LARGE1: variants seen among roughly 807,000 people sequenced by gnomAD.
LARGE1 encodes the protein xylosyl- and glucuronyltransferase LARGE1.
LARGE1 carries 43 observed loss-of-function variants against 87.6 expected under a neutral mutation model. The ratio of observed to expected loss-of-function variants is 0.49; its 90% confidence interval spans 0.38 to 0.63. The LOEUF (loss-of-function observed/expected upper bound fraction) is 0.63. LARGE1 is among the 30% of genes least tolerant of loss of function. The pLI, the probability that LARGE1 is intolerant of heterozygous loss-of-function variation, is 0.00. For missense variants in LARGE1, 802 were observed against 1,000.2 expected, an observed-to-expected ratio of 0.80 and a Z score of 2.67; for synonymous variants, 434 against 394.6, an observed-to-expected ratio of 1.10 and a Z score of -1.18.
chr22:33,708,324 G>C (rs2082623289), intron 2 of LARGE1, among the ~76,000 whole-genome samples: 1 of 152,100 alleles, frequency 6.6e-6, no homozygotes, highest in Non-Finnish European at 1.5e-5. Context: ...CTGTCTATGG[G>C]GAAAAGACGC....
intron 7 of LARGE1, among the ~76,000 whole-genome samples, chr22:33,386,318 G>A (rs2065321606): frequency 6.7e-6 from 1 of 148,972 alleles, no homozygotes; most frequent in Admixed American, 6.7e-5. Context: ...GTGATTCCAA[G>A]GCCAGTGCTT....
chr22:33,366,486 G>A (rs777874044), intron 9 of LARGE1, among the ~76,000 whole-genome samples: 9 of 152,136 alleles, frequency 5.9e-5, no homozygotes, highest in Admixed American at 6.5e-5. Context: ...TGAATGACAC[G>A]TGGATTTTTC....
intron 3 of LARGE1, among the ~76,000 whole-genome samples, chr22:33,640,472 A>C (rs1275655441): frequency 3.3e-5 from 5 of 152,252 alleles, no homozygotes; most frequent in African/African-American, 1.2e-4. Context: ...AGTGCAAAAG[A>C]CTAGAAAATA....
Position 33,476,059 on chromosome 22 carries a change from G to T in LARGE1, c.788-43794C>A, listed in dbSNP as rs188561272. ...TTTAAAAAGAAAAAACAAAAGCTACGTATCTTCCTCACAATTTGGCCACAA... is the reference window on the plus strand; with the variant it reads ...TTTAAAAAGAAAAAACAAAAGCTACTTATCTTCCTCACAATTTGGCCACAA... On this transcript the variant is annotated intron_variant, in intron 6 of 14. Coordinates refer to ENST00000397394, the MANE Select transcript of LARGE1 (RefSeq NM_133642.5). Among the ~76,000 whole-genome samples the T allele has an allele frequency of 4.0e-3, 606 of 152,290 alleles. 4 individuals carry two copies. Among genetic ancestry groups the T allele is most frequent in the South Asian group, 0.021 (99 of 4,822 alleles).
intron 6 of LARGE1, among the ~76,000 whole-genome samples, chr22:33,437,584 C>G (rs934153862): frequency 4.6e-5 from 7 of 152,092 alleles, no homozygotes; most frequent in African/African-American, 1.7e-4. Flanking sequence ...TAAGCATTTG[C>G]TCTTATGGAA....
At chr22:33,740,313 T>C (rs898305002) in intron 2 of LARGE1, among the ~76,000 whole-genome samples, 7 of 152,230 alleles carry the variant, frequency 4.6e-5, no homozygotes, top group African/African-American at 1.4e-4. Flanking sequence ...ACTTCTATTA[T>C]AGCAAGTATG....
chr22:33,665,968 T>C lies in LARGE1; in HGVS notation c.107-15300A>G, dbSNP rs2081256584. 2.7e-5 allele frequency among the ~76,000 whole-genome samples: 4 copies of C among 150,386 alleles called. No homozygotes were observed. In the South Asian group the frequency reaches 8.4e-4, roughly 31 times the overall value. On this transcript the variant is annotated intron_variant, in intron 2 of 14. Coordinates refer to ENST00000397394, the MANE Select transcript of LARGE1 (RefSeq NM_133642.5). ...AGTTTAAGTAACTTGCAAGATTTAC[T>C]GCAAAAAGAAGTTAAAAAAAAAAAG...
intron 10 of LARGE1, among the ~76,000 whole-genome samples, chr22:33,335,787 A>C (rs967451151): frequency 6.6e-6 from 1 of 152,124 alleles, no homozygotes; most frequent in Admixed American, 6.5e-5. Flanking sequence ...CTTCTCTGGG[A>C]GGCTCATTCA....
At chr22:33,373,965 T>A (rs534652965) in intron 9 of LARGE1, among the ~76,000 whole-genome samples, 19 of 103,676 alleles carry the variant, frequency 1.8e-4, no homozygotes, top group Admixed American at 1.6e-3. Context: ...AGAGTGAGAC[T>A]CCGTCTCAAA....
intron 11 of LARGE1, among the ~76,000 whole-genome samples, chr22:33,238,811 A>C (rs1377050578): frequency 6.6e-6 from 1 of 152,192 alleles, no homozygotes; most frequent in Non-Finnish European, 1.5e-5. Context: ...ACCCTTTGTG[A>C]CATTACTGAA....
At chr22:33,302,446 G>A (rs569544581) in intron 12 of LARGE1, among the ~76,000 whole-genome samples, 3 of 152,258 alleles carry the variant, frequency 2.0e-5, no homozygotes, top group Non-Finnish European at 4.4e-5. Flanking sequence ...TTAACACTAG[G>A]AAACCCGGAG....
intron 6 of LARGE1, among the ~76,000 whole-genome samples, chr22:33,458,085 A>C (rs1189868101): frequency 6.6e-6 from 1 of 152,090 alleles, no homozygotes; most frequent in Non-Finnish European, 1.5e-5. Flanking sequence ...TTGTTTAATA[A>C]ATTTTAAAAA....
At chr22:33,722,329 G>GA (rs2083131202) in intron 2 of LARGE1, among the ~76,000 whole-genome samples, 2 of 137,812 alleles carry the variant, frequency 1.5e-5, no homozygotes, top group East Asian at 2.2e-4. Flanking sequence ...AGGGAGAGGA[G>GA]GGAGAGGGAG....
intron 6 of LARGE1, among the ~76,000 whole-genome samples, chr22:33,437,624 G>C (rs577828453): frequency 2.2e-4 from 34 of 152,146 alleles, no homozygotes; most frequent in Non-Finnish European, 2.9e-4. Context: ...CCTACACTCT[G>C]CTCCATCTGC....
chr22:33,883,659 GTC>G (rs749375727), intron 1 of LARGE1, among the ~76,000 whole-genome samples: 1 of 152,206 alleles, frequency 6.6e-6, no homozygotes, highest in Non-Finnish European at 1.5e-5. Context: ...CCCCTCTGTG[GTC>G]TCTCTATTAG....
At chr22:33,235,574 T>C (rs1475226119) in intron 11 of LARGE1, among the ~76,000 whole-genome samples, 2 of 152,184 alleles carry the variant, frequency 1.3e-5, no homozygotes, top group African/African-American at 4.8e-5. Flanking sequence ...GGTTCAGGCA[T>C]ATGGTTGGCA....
At chr22:33,427,100 G>A (rs1176768070) in intron 7 of LARGE1, among the ~76,000 whole-genome samples, 1 of 152,192 alleles carries the variant, frequency 6.6e-6, no homozygotes, top group African/African-American at 2.4e-5. Flanking sequence ...GAATCTTAAT[G>A]AGCCTGTCAA....
At chr22:33,267,172 C>G (rs998226445) in intron 11 of LARGE1, among the ~76,000 whole-genome samples, 5 of 151,640 alleles carry the variant, frequency 3.3e-5, no homozygotes, top group African/African-American at 1.2e-4. Context: ...TCCGGGGAGG[C>G]AGAGGTTGCA....
chr22:33,534,532 G>A (rs1377961096), intron 6 of LARGE1, among the ~76,000 whole-genome samples: 1 of 152,202 alleles, frequency 6.6e-6, no homozygotes, highest in Non-Finnish European at 1.5e-5. Context: ...AGCCAGGCAT[G>A]GGAAATGTAA....
Sources: gnomAD v4.1 joint callset for allele counts (sites outside exome capture counted in the v4.1 genomes callset) on GRCh38, gnomAD v4.1.1 for gene constraint, MANE v1.5 for transcripts, NCBI Gene and HGNC (gene_info 2026-07-23, HGNC 2026-07-21) for gene names.